The following CIB4 variants were observed in gnomAD, a reference collection of about 807,000 sequenced individuals.
The protein encoded by CIB4 is calcium and integrin binding family member 4, also known as calcium and integrin-binding family member 4.
In CIB4, 25 loss-of-function variants were observed where a neutral mutation model predicts 25.8. That is an observed-to-expected ratio of 0.97 (90% confidence interval 0.71 to 1.35). The LOEUF (loss-of-function observed/expected upper bound fraction) is 1.35, where lower values mean the gene tolerates loss of function less well. Ranked by LOEUF, CIB4 falls within the 40% of genes most tolerant of loss-of-function variation. The pLI is 0.00. For missense variants in CIB4, 235 were observed against 228.2 expected, an observed-to-expected ratio of 1.03 and a Z score of -0.19; for synonymous variants, 75 against 81.4, an observed-to-expected ratio of 0.92 and a Z score of 0.42.
chr2:26,633,198 G>T (rs1348923890), intron 2 of CIB4, among the ~76,000 whole-genome samples: 1 of 152,212 alleles, frequency 6.6e-6, no homozygotes, highest in Non-Finnish European at 1.5e-5. Context: ...GGCATCAGGG[G>T]CTGCTGAGGG....
At chr2:26,589,045 T>TTCCTCTTCC (rs1558554738) in intron 4 of CIB4, among the ~76,000 whole-genome samples, 2 of 47,808 alleles carry the variant, frequency 4.2e-5, no homozygotes, top group African/African-American at 1.8e-4. Context: ...CTTCTTCTTC[T>TTCCTCTTCC]TCTTCTTCTT....
intron 3 of CIB4, among the ~76,000 whole-genome samples, chr2:26,617,406 G>A (rs1351353443): frequency 1.3e-5 from 2 of 152,272 alleles, no homozygotes; most frequent in East Asian, 3.9e-4. Flanking sequence ...GACAGTCTCT[G>A]GGCAATTGTG....
intron 3 of CIB4, among the ~76,000 whole-genome samples, chr2:26,601,475 A>G (rs1207185571): frequency 6.6e-6 from 1 of 151,980 alleles, no homozygotes; most frequent in African/African-American, 2.4e-5. Context: ...CATATGGGGA[A>G]AAAATGAATC....
At chr2:26,581,498 C>T (rs1252517688) in intron 6 of CIB4, 105 bp from the exon 7 acceptor site, 36 of 1,127,500 alleles carry the variant, frequency 3.2e-5, no homozygotes, top group East Asian at 1.9e-4. Context: ...GCCTGCATCT[C>T]GTGTCCCTTT....
rs114150006 is a variant in CIB4, at chr2:26,637,115, A to G, written c.89+3418T>C. Among the ~76,000 whole-genome samples, 854 of 152,276 alleles carry G rather than the reference A, an allele frequency of 5.6e-3. 4 individuals carry two copies. The highest frequency in any genetic ancestry group is 0.02 in the African/African-American group (828 of 41,542). ...TGGCTCCAGCTCTCCCCAGATGGTT[A>G]GCTCCTGTCTTCCGCTGGGGCAGGG... On this transcript the variant is annotated intron_variant, in intron 2 of 6. Coordinates refer to ENST00000288861, the MANE Select transcript of CIB4 (RefSeq NM_001029881.3).
intron 3 of CIB4, among the ~76,000 whole-genome samples, chr2:26,616,586 G>T (rs2148214388): frequency 6.6e-6 from 1 of 152,266 alleles, no homozygotes; most frequent in Admixed American, 6.5e-5. Flanking sequence ...GGAGCTGAAG[G>T]GGCCCTGCTG....
intron 3 of CIB4, among the ~76,000 whole-genome samples, chr2:26,608,773 C>G (rs1462386680): frequency 6.6e-6 from 1 of 152,148 alleles, no homozygotes; most frequent in Admixed American, 6.5e-5. Context: ...ACCAAGCCTT[C>G]TTTCTCTCCC....
intron 4 of CIB4, among the ~76,000 whole-genome samples, chr2:26,585,331 T>C (rs1668430664): frequency 6.6e-6 from 1 of 151,608 alleles, no homozygotes; most frequent in Non-Finnish European, 1.5e-5. Flanking sequence ...CAGGAGTGAC[T>C]GGCATGGTGT....
intron 2 of CIB4, among the ~76,000 whole-genome samples, chr2:26,632,676 T>A (rs1453362537): frequency 2.6e-5 from 4 of 151,548 alleles, no homozygotes; most frequent in African/African-American, 9.7e-5. Context: ...GAGAATCGCT[T>A]GAACTCGGGA....
chr2:26,581,768 C>T (rs1668349629), intron 6 of CIB4, among the ~76,000 whole-genome samples: 1 of 152,216 alleles, frequency 6.6e-6, no homozygotes, highest in South Asian at 2.1e-4. Context: ...TAGAGAGGGG[C>T]CACCCAGGCC....
In CIB4 at chr2:26,601,736, A is replaced by G. The variant is rs1158623013; in HGVS notation, c.187-6419T>C. Reference sequence around the variant, plus strand: ...TAAGACAATGAAAAGGCAAGCCATAATAATCACTAGGTACTTCCACAGGTG... The same window carrying G: ...TAAGACAATGAAAAGGCAAGCCATAGTAATCACTAGGTACTTCCACAGGTG... On this transcript the variant is annotated intron_variant, in intron 3 of 6. Transcript: ENST00000288861. Among the ~76,000 whole-genome samples the G allele has an allele frequency of 3.9e-5, 6 of 152,240 alleles. 1 individual carries two copies. The highest frequency in any genetic ancestry group is 2.6e-4 in the Admixed American group (4 of 15,288).
At chr2:26,586,322 G>T (rs756257021) in intron 4 of CIB4, among the ~76,000 whole-genome samples, 15 of 152,088 alleles carry the variant, frequency 9.9e-5, no homozygotes, top group Non-Finnish European at 1.8e-4. Context: ...TTGCACGGAG[G>T]CTCCCCCTCC....
chr2:26,588,720 T>C (rs1018782393), intron 4 of CIB4, among the ~76,000 whole-genome samples: 1 of 152,214 alleles, frequency 6.6e-6, no homozygotes, highest in Non-Finnish European at 1.5e-5. Flanking sequence ...TGGGAAGGTA[T>C]GGGGAGACCT....
rs887212934 is a variant in CIB4 at position 26,595,218 on chromosome 2, C to T, written c.286G>A (p.Ala96Thr). ...TACTCAATCTTCAGGCTTGGGCAGGCCTGCTCGCTGAACACAGATGCCATG... is the reference window on the plus strand; with the variant it reads ...TACTCAATCTTCAGGCTTGGGCAGGTCTGCTCGCTGAACACAGATGCCATG... Reference protein sequence around the residue: ...LGMASVFSEQACPSLKIEYAF... With the variant: ...LGMASVFSEQTCPSLKIEYAF... The change falls in exon 4 of 7, where the codon GCC becomes ACC. Residue 96 changes from alanine to threonine, a missense_variant. Ala to Thr is a moderately conservative substitution (Grantham distance 58). Transcript: ENST00000288861. The T allele has an allele frequency of 1.2e-6, 2 of 1,614,052 alleles. No individual in the cohort carries two copies. The highest frequency in any genetic ancestry group is 1.7e-5 in the Admixed American group (1 of 60,032).
intron 4 of CIB4, among the ~76,000 whole-genome samples, chr2:26,584,568 G>A (rs1389158605): frequency 6.6e-6 from 1 of 152,244 alleles, no homozygotes; most frequent in Non-Finnish European, 1.5e-5. Context: ...GGGGACAAGA[G>A]GCAATATTCC....
At chr2:26,589,061 TC>T (rs1668522632) in intron 4 of CIB4, among the ~76,000 whole-genome samples, 1 of 31,314 alleles carries the variant, frequency 3.2e-5, no homozygotes. Context: ...TTCTTCTTCC[TC>T]TTCCTCTTCC....
intron 5 of CIB4, among the ~76,000 whole-genome samples, chr2:26,583,401 G>A (rs1023617202): frequency 6.6e-6 from 1 of 152,192 alleles, no homozygotes; most frequent in Non-Finnish European, 1.5e-5. Flanking sequence ...TGTTGTGCTG[G>A]GACAGAGTGG....
chr2:26,605,198 TAAC>T (rs1190258249), intron 3 of CIB4, among the ~76,000 whole-genome samples: 1 of 152,048 alleles, frequency 6.6e-6, no homozygotes, highest in African/African-American at 2.4e-5. Context: ...AATGAAAACA[TAAC>T]ATATGAAAAT....
intron 4 of CIB4, among the ~76,000 whole-genome samples, chr2:26,590,301 T>C (rs1326821176): frequency 7.5e-6 from 1 of 133,878 alleles, no homozygotes; most frequent in Non-Finnish European, 1.5e-5. Flanking sequence ...GGTGATTCAA[T>C]GTACAGCCAA....
Sources: gnomAD v4.1 joint callset for allele counts (sites outside exome capture counted in the v4.1 genomes callset) on GRCh38, gnomAD v4.1.1 for gene constraint, MANE v1.5 for transcripts, NCBI Gene and HGNC (gene_info 2026-07-23, HGNC 2026-07-21) for gene names.